RNF220: variants seen among roughly 807,000 people sequenced by gnomAD.
RNF220 encodes the protein ring finger protein 220, also known as E3 ubiquitin-protein ligase RNF220.
In RNF220, 7 loss-of-function variants were observed where a neutral mutation model predicts 67.1. The ratio of observed to expected loss-of-function variants is 0.10; its 90% CI spans 0.06 to 0.20. The LOEUF is 0.20. Ranked by LOEUF, RNF220 falls within the 10% of genes least tolerant of loss-of-function variation. RNF220 has a pLI of 1.00. For missense variants in RNF220, 565 were observed against 740.3 expected (o/e 0.76, Z 2.75); for synonymous variants, 270 against 283.2 (o/e 0.95, Z 0.47).
At chr1:44,623,939 G>C (rs1213063793) in intron 4 of RNF220, among the ~76,000 whole-genome samples, 2 of 152,228 alleles carry the variant, frequency 1.3e-5, no homozygotes, top group Non-Finnish European at 2.9e-5. Flanking sequence ...CTCTAAGAGG[G>C]CAGTTTTGGG....
At chr1:44,472,154 A>G (rs966402806) in intron 2 of RNF220, among the ~76,000 whole-genome samples, 3 of 152,166 alleles carry the variant, frequency 2.0e-5, no homozygotes, top group Non-Finnish European at 4.4e-5. Context: ...CCTTTTGGCT[A>G]TTATAATAAT....
intron 2 of RNF220, among the ~76,000 whole-genome samples, chr1:44,597,229 A>G (rs966909008): frequency 6.6e-6 from 1 of 152,172 alleles, no homozygotes; most frequent in African/African-American, 2.4e-5. Flanking sequence ...AAGACAAAGG[A>G]GGCACAGGAA....
rs1472910020 is a variant in RNF220, at chr1:44,606,788, C to T, written c.626-7377C>T. ...CAATAAATATTTATTGAGCATTTAC[C>T]ACATGCCAGACATTGTTCCAGGCAC... On this transcript the variant is annotated intron_variant, in intron 2 of 14. Transcript: ENST00000361799. The surrounding 1 kb of genome is among the most constrained non-coding windows in gnomAD (Gnocchi z 4.2). Among the ~76,000 whole-genome samples, 1 of 152,038 alleles carries T rather than the reference C, an allele frequency of 6.6e-6. No individual in the cohort carries two copies. The highest frequency in any genetic ancestry group is 1.5e-5 in the Non-Finnish European group (1 of 68,010).
At chr1:44,526,056 C>G in intron 2 of RNF220, among the ~76,000 whole-genome samples, 1 of 152,198 alleles carries the variant, frequency 6.6e-6, no homozygotes. Flanking sequence ...TGATCAACAT[C>G]TTTAAAGAAT....
chr1:44,521,077 T>C (rs1002382270), intron 2 of RNF220, among the ~76,000 whole-genome samples: 1 of 152,170 alleles, frequency 6.6e-6, no homozygotes, highest in Admixed American at 6.5e-5. Context: ...TTTATTTTTT[T>C]GTAGAGTCAG....
chr1:44,507,869 C>G (rs1393460256), intron 2 of RNF220, among the ~76,000 whole-genome samples: 1 of 151,876 alleles, frequency 6.6e-6, no homozygotes. Flanking sequence ...GGAGGTGCCC[C>G]CCCCTCACCA....
chr1:44,632,460 G>A (rs2148474876), intron 6 of RNF220, 75 bp downstream of exon 6: 1 of 1,207,174 alleles, frequency 8.3e-7, no homozygotes, highest in Non-Finnish European at 1.1e-6. Context: ...TGCCGCTCCT[G>A]GCTTGCCTGG....
intron 2 of RNF220, among the ~76,000 whole-genome samples, chr1:44,467,242 G>A (rs1375969467): frequency 3.3e-5 from 5 of 151,758 alleles, no homozygotes; most frequent in African/African-American, 4.8e-5. Context: ...ATGGAATTTC[G>A]CTCTTGTTGC....
At chr1:44,583,973 A>G (rs1169870453) in intron 2 of RNF220, among the ~76,000 whole-genome samples, 2 of 152,260 alleles carry the variant, frequency 1.3e-5, no homozygotes, top group Non-Finnish European at 2.9e-5. Context: ...GACTTACTAT[A>G]TACAAATCCA....
chr1:44,545,352 A>G (rs1339578967), intron 2 of RNF220: 1 of 154,180 alleles, frequency 6.5e-6, no homozygotes, highest in Non-Finnish European at 1.5e-5. Context: ...GCTACTGTGT[A>G]TTTCATGCTG....
rs1242572712 is a variant in RNF220, at chr1:44,649,781, A to G, written c.1554+12A>G. ...GCCTCATCTGCATGGTGAGTAGAAA[A>G]GAACCTAGGGGTGCCCTTGGTCAGG... On this transcript the variant is annotated intron_variant, in intron 13 of 14. Coordinates refer to ENST00000361799, the MANE Select transcript of RNF220 (RefSeq NM_018150.4). The surrounding 1 kb of genome is among the most constrained non-coding windows in gnomAD (Gnocchi z 5.9). The G allele has an allele frequency of 1.5e-5, 24 of 1,613,898 alleles. No homozygotes were observed. Among genetic ancestry groups the G allele is most frequent in the Non-Finnish European group, 2.0e-5 (24 of 1,179,832 alleles).
At chr1:44,552,013 A>T (rs897458612) in intron 2 of RNF220, among the ~76,000 whole-genome samples, 1 of 152,194 alleles carries the variant, frequency 6.6e-6, no homozygotes, top group Admixed American at 6.5e-5. Context: ...AGTGGAAGCC[A>T]TTGCCCCTCT....
intron 2 of RNF220, among the ~76,000 whole-genome samples, chr1:44,593,505 G>A (rs1056289847): frequency 5.5e-4 from 84 of 151,970 alleles, no homozygotes; most frequent in African/African-American, 1.9e-3. Context: ...CAAGAGGATC[G>A]CTTGAGCCCA....
Position 44,644,812 on chromosome 1 carries a change from TG to T in RNF220, c.1223+23del, listed in dbSNP as rs756940103. ...AAGCCACAGTATCCTTGGAGCACTATGGGGGCTGGTGGGGCTGATAGGGCAG... is the reference window on the plus strand; with the variant it reads ...AAGCCACAGTATCCTTGGAGCACTATGGGGCTGGTGGGGCTGATAGGGCAG... On this transcript the variant is annotated intron_variant, in intron 9 of 14. Transcript: ENST00000361799. 6.3e-7 allele frequency: 1 copy of T among 1,596,244 alleles called. No individual in the cohort carries two copies. The highest frequency in any genetic ancestry group is 1.1e-5 in the South Asian group (1 of 90,736).
chr1:44,411,389 G>T lies in RNF220; in HGVS notation c.-117-592G>T, dbSNP rs564147340. Among the ~76,000 whole-genome samples, 380 of 151,454 alleles carry T rather than the reference G, an allele frequency of 2.5e-3. 1 individual carries two copies. The highest frequency in any genetic ancestry group is 4.2e-3 in the Non-Finnish European group (285 of 67,686). On this transcript the variant is annotated intron_variant, in intron 1 of 14. Coordinates refer to ENST00000361799, the MANE Select transcript of RNF220 (RefSeq NM_018150.4). ...GAAACAGTCTTAGATGATACATGAAGATGTGTGTGTGTGTGTATATGCCAA... is the reference window on the plus strand; with the variant it reads ...GAAACAGTCTTAGATGATACATGAATATGTGTGTGTGTGTGTATATGCCAA...
chr1:44,429,266 CAG>C (rs1459699950), intron 2 of RNF220, among the ~76,000 whole-genome samples: 1 of 152,002 alleles, frequency 6.6e-6, no homozygotes, highest in Non-Finnish European at 1.5e-5. Context: ...AAAAAAATAA[CAG>C]ATAAGATTTT....
Position 44,636,283 on chromosome 1 carries a change from G to T in RNF220, c.1126+121G>T, listed in dbSNP as rs1295022745. The T allele has an allele frequency of 7.6e-6, 10 of 1,321,368 alleles. 1 individual carries two copies. The Admixed American group carries it at 1.4e-4, about 19-fold the overall frequency. 81.9% of individuals were successfully genotyped at this position (1,321,368 alleles called of 1,614,324 possible). A position where few individuals can be genotyped will look rare whatever the true frequency, so the allele number is the denominator to read the frequency against. On this transcript the variant is annotated intron_variant, in intron 8 of 14. Coordinates refer to ENST00000361799, the MANE Select transcript of RNF220 (RefSeq NM_018150.4). Reference sequence around the variant, plus strand: ...GTCATCCATCCGTTCCACCACGTGGGGACTGCTGCTGGTGGGGCTCCTTTG... The same window carrying T: ...GTCATCCATCCGTTCCACCACGTGGTGACTGCTGCTGGTGGGGCTCCTTTG...
chr1:44,487,020 T>G (rs1461248984), intron 2 of RNF220, among the ~76,000 whole-genome samples: 1 of 152,156 alleles, frequency 6.6e-6, no homozygotes, highest in Non-Finnish European at 1.5e-5. Context: ...CCAGGTTGTG[T>G]GTTAGAATTA....
chr1:44,633,184 AGG>A (rs998151353), intron 6 of RNF220, among the ~76,000 whole-genome samples: 3 of 152,216 alleles, frequency 2.0e-5, no homozygotes, highest in African/African-American at 7.2e-5. Context: ...AGTCTGGAAA[AGG>A]GAGAAATTCA....
Sources: allele counts gnomAD v4.1 joint callset (sites outside exome capture counted in the v4.1 genomes callset), GRCh38; gene constraint gnomAD v4.1.1; non-coding constraint Gnocchi (gnomAD v3.1); transcripts MANE v1.5; gene names NCBI Gene and HGNC (gene_info 2026-07-23, HGNC 2026-07-21).